RASA3: variants seen among roughly 807,000 people sequenced by gnomAD.
RASA3 encodes the protein ras GTPase-activating protein 3.
In RASA3, 73 loss-of-function variants were observed where a neutral mutation model predicts 110.0. The observed-to-expected ratio is 0.66, with a 90% CI of 0.55 to 0.81. RASA3 has a LOEUF of 0.81. Ranked by LOEUF, RASA3 falls within the 30% of genes least tolerant of loss-of-function variation. The pLI, the probability that RASA3 is intolerant of heterozygous loss-of-function variation, is 0.00. For missense variants in RASA3, 976 were observed against 1,113.2 expected, an observed-to-expected ratio of 0.88 and a Z score of 1.75; for synonymous variants, 500 against 451.4, an observed-to-expected ratio of 1.11 and a Z score of -1.37.
At chr13:114,130,035 C>T (rs1217656730) in intron 1 of RASA3, among the ~76,000 whole-genome samples, 2 of 152,236 alleles carry the variant, frequency 1.3e-5, no homozygotes, top group East Asian at 3.9e-4. Context: ...GCACCAGCGC[C>T]GCTCAGGGTC....
At chr13:114,109,606 GCT>G (rs1020200029) in intron 1 of RASA3, among the ~76,000 whole-genome samples, 62 of 152,352 alleles carry the variant, frequency 4.1e-4, no homozygotes, top group African/African-American at 1.3e-3. Flanking sequence ...GCACAGCTGA[GCT>G]GTTTTCTCTT....
intron 2 of RASA3, among the ~76,000 whole-genome samples, chr13:114,067,802 G>C (rs151007122): frequency 3.3e-5 from 5 of 152,242 alleles, no homozygotes; most frequent in Non-Finnish European, 7.3e-5. Context: ...GGTGATGTCT[G>C]ATGTCCTCGT....
At chr13:114,080,997 GCCGT>G (rs1246491400) in intron 1 of RASA3, among the ~76,000 whole-genome samples, 3 of 151,626 alleles carry the variant, frequency 2.0e-5, no homozygotes, top group African/African-American at 4.9e-5. Flanking sequence ...TCGGCAGAGG[GCCGT>G]CCACCTAGAA....
chr13:114,098,225 C>T (rs971685951), intron 1 of RASA3, among the ~76,000 whole-genome samples: 3 of 152,164 alleles, frequency 2.0e-5, no homozygotes, highest in Non-Finnish European at 4.4e-5. Context: ...ACGAGCCAGG[C>T]CCAGCCAAGA....
intron 9 of RASA3, among the ~76,000 whole-genome samples, chr13:114,019,634 G>A (rs1239949848): frequency 1.3e-5 from 2 of 151,296 alleles, no homozygotes; most frequent in African/African-American, 4.9e-5. Flanking sequence ...ACCCCTGTCA[G>A]GTAGGTGGAG....
At chr13:114,013,896 T>TCTG (rs2053719199) in intron 14 of RASA3, among the ~76,000 whole-genome samples, 1 of 28,072 alleles carries the variant, frequency 3.6e-5, no homozygotes, top group Non-Finnish European at 6.3e-5. Flanking sequence ...CTCTCTCTTT[T>TCTG]TCTCTCTTTC....
Position 114,125,469 on chromosome 13 carries a change from C to A in RASA3, c.55+6966G>T, listed in dbSNP as rs914748671. On this transcript the variant is annotated intron_variant, in intron 1 of 23. Transcript: ENST00000334062. ...CGAGGTGGGAGGTGTGCCACCGGAT[C>A]TCACGAGAACTCACTCACTATCGTG... Among the ~76,000 whole-genome samples, 45 of 152,132 alleles carry A rather than the reference C, an allele frequency of 3.0e-4. 1 individual carries two copies. Among genetic ancestry groups the A allele is most frequent in the Admixed American group, 2.5e-3 (38 of 15,284 alleles).
chr13:113,997,753 AAGTCAGG>A (rs1003818867), intron 20 of RASA3, among the ~76,000 whole-genome samples: 3 of 152,110 alleles, frequency 2.0e-5, no homozygotes, highest in African/African-American at 7.2e-5. Context: ...ACTTGCCCTT[AAGTCAGG>A]AGTCAGGGGG....
chr13:114,059,511 C>A (rs1292729656), intron 2 of RASA3, among the ~76,000 whole-genome samples: 1 of 152,256 alleles, frequency 6.6e-6, no homozygotes, highest in East Asian at 1.9e-4. Flanking sequence ...GGGACGTCCA[C>A]GTTTCAACGC....
At chr13:114,055,851 C>A (rs1267548982) in intron 2 of RASA3, among the ~76,000 whole-genome samples, 1 of 152,206 alleles carries the variant, frequency 6.6e-6, no homozygotes, top group Non-Finnish European at 1.5e-5. Flanking sequence ...AGAAGCCCAG[C>A]GGGAGCACGC....
Position 114,093,527 on chromosome 13 carries a change from GTCTTAT to G in RASA3, c.56-19696_56-19691del, listed in dbSNP as rs569792064. Among the ~76,000 whole-genome samples, 745 of 152,246 alleles carry G rather than the reference GTCTTAT, an allele frequency of 4.9e-3. 8 individuals are homozygous for G. Among genetic ancestry groups the G allele is most frequent in the Non-Finnish European group, 7.7e-3 (526 of 68,010 alleles). ...TTTGAGAGTTTTTTGATTATAGTAT[GTCTTAT>G]TCTTATTTGGGTTGAATCTGATTGG... On this transcript the variant is annotated intron_variant, in intron 1 of 23. Coordinates refer to ENST00000334062, the MANE Select transcript of RASA3 (RefSeq NM_007368.4).
At chr13:114,095,117 G>A (rs1373204444) in intron 1 of RASA3, among the ~76,000 whole-genome samples, 1 of 152,208 alleles carries the variant, frequency 6.6e-6, no homozygotes, top group Non-Finnish European at 1.5e-5. Flanking sequence ...AGTTCACACA[G>A]GAAAGTCAGG....
chr13:114,011,333 G>C lies in RASA3; in HGVS notation c.1513-85C>G, dbSNP rs2053633956. The C allele has an allele frequency of 8.3e-7, 1 of 1,199,322 alleles. No individual in the cohort carries two copies. The highest frequency in any genetic ancestry group is 1.9e-5 in the Admixed American group (1 of 51,300). 74.3% of individuals were successfully genotyped at this position (1,199,322 alleles called of 1,614,324 possible). A position where few individuals can be genotyped will look rare whatever the true frequency, so the allele number is the denominator to read the frequency against. On this transcript the variant is annotated intron_variant, in intron 15 of 23. Transcript: ENST00000334062. This position sits in a 1 kb window ranked among gnomAD's most constrained non-coding sequence, Gnocchi z 4.8. ...CAGATCGAGGGGACGAAATGCAGGA[G>C]TCACCTCAGAGCTGCTGTGGCTTGT...
In RASA3 at chr13:114,015,116, G is replaced by A. The variant is rs1168841181; in HGVS notation, c.1405+93C>T. 4.6e-6 allele frequency: 7 copies of A among 1,526,356 alleles called. No homozygotes were observed. In the African/African-American group the frequency reaches 8.2e-5, roughly 18 times the overall value. The allele number at this position is 1,526,356 out of a possible 1,614,324, so 94.6% of individuals were successfully genotyped here. A position where few individuals can be genotyped will look rare whatever the true frequency, so the allele number is the denominator to read the frequency against. On this transcript the variant is annotated intron_variant, in intron 14 of 23. Coordinates refer to ENST00000334062, the MANE Select transcript of RASA3 (RefSeq NM_007368.4). ...TTCACGACCCCGCAGTTCTAGTCTA[G>A]CCAGGGCTGCGGGGGGTTCTGCCTG... is the stretch of plus-strand genomic sequence containing the variant.
intron 3 of RASA3, among the ~76,000 whole-genome samples, chr13:114,047,170 G>A (rs1360290498): frequency 6.6e-6 from 1 of 152,206 alleles, no homozygotes; most frequent in East Asian, 1.9e-4. Context: ...AAGCACACTT[G>A]TGATAGACTC....
rs139298897 is a variant in RASA3 at position 113,982,859 on chromosome 13, G to A, written c.2246-1001C>T. On this transcript the variant is annotated intron_variant, in intron 22 of 23. Transcript: ENST00000334062. Reference sequence around the variant, plus strand: ...TGTGAGGACACAATGAGACACTGGCGGGCTGCAGCCCAGAAGAGGACCCGC... The same window carrying A: ...TGTGAGGACACAATGAGACACTGGCAGGCTGCAGCCCAGAAGAGGACCCGC... 6.8e-3 allele frequency among the ~76,000 whole-genome samples: 1,037 copies of A among 152,310 alleles called. 11 individuals are homozygous for A. Among genetic ancestry groups the A allele is most frequent in the African/African-American group, 0.022 (908 of 41,578 alleles).
chr13:113,998,295 C>G (rs1012782197), intron 20 of RASA3, among the ~76,000 whole-genome samples: 2 of 152,144 alleles, frequency 1.3e-5, no homozygotes, highest in African/African-American at 4.8e-5. Flanking sequence ...CAGCCCTCCT[C>G]TTCCCAGCCC....
At position 113,980,613 on chromosome 13, in the gene RASA3, C is replaced by T. The variant is rs540257733; in HGVS notation, c.2429+1062G>A. 3.9e-5 allele frequency among the ~76,000 whole-genome samples: 6 copies of T among 152,374 alleles called. No homozygotes were observed. The East Asian group carries it at 9.6e-4, about 24-fold the overall frequency. Reference sequence around the variant, plus strand: ...AGGTTGATGGACCTGCTGATATCAACGAGGCAACATATTTGGAAGGCAAAT... The same window carrying T: ...AGGTTGATGGACCTGCTGATATCAATGAGGCAACATATTTGGAAGGCAAAT... On this transcript the variant is annotated intron_variant, in intron 23 of 23. Coordinates refer to ENST00000334062, the MANE Select transcript of RASA3 (RefSeq NM_007368.4).
At chr13:114,098,369 G>C (rs564235895) in intron 1 of RASA3, among the ~76,000 whole-genome samples, 1 of 152,270 alleles carries the variant, frequency 6.6e-6, no homozygotes, top group South Asian at 2.1e-4. Context: ...CAGGGTCTGC[G>C]TGCCCAGCCA....
Sources: allele counts gnomAD v4.1 joint callset (sites outside exome capture counted in the v4.1 genomes callset), GRCh38; gene constraint gnomAD v4.1.1; non-coding constraint Gnocchi (gnomAD v3.1); transcripts MANE v1.5; gene names NCBI Gene and HGNC (gene_info 2026-07-23, HGNC 2026-07-21).